ME3: variants seen among roughly 807,000 people sequenced by gnomAD.
ME3 encodes the protein malic enzyme 3.
ME3 carries 48 observed loss-of-function variants against 68.9 expected under a neutral mutation model. That is an observed-to-expected ratio of 0.70 (90% CI 0.55 to 0.89). The LOEUF (loss-of-function observed/expected upper bound fraction) is 0.89, where lower values mean the gene tolerates loss of function less well. ME3 is among the 40% of genes least tolerant of loss of function. The pLI is 0.00. For missense variants in ME3, 675 were observed against 797.4 expected (o/e 0.85, Z 1.85); for synonymous variants, 320 against 318.8 (o/e 1.00, Z -0.04).
exon 3 of ME3, chr11:86,559,708 T>A: frequency 6.2e-7 from 1 of 1,613,756 alleles, no homozygotes; most frequent in African/African-American, 1.3e-5. Flanking sequence ...GTCACTCTGC[T>A]GCCGCTCGTA....
intron 2 of ME3, among the ~76,000 whole-genome samples, chr11:86,670,443 G>C (rs1465845177): frequency 6.6e-6 from 1 of 152,200 alleles, no homozygotes; most frequent in Non-Finnish European, 1.5e-5. Flanking sequence ...AGATTCTTTA[G>C]ATAAAGGAGC....
intron 6 of ME3, among the ~76,000 whole-genome samples, chr11:86,489,832 C>T (rs114097316): frequency 0.014 from 2,085 of 152,290 alleles, 53 homozygotes; most frequent in African/African-American, 0.047. Flanking sequence ...TTATTCTTCA[C>T]AGGTGTCTCC....
intron 4 of ME3, among the ~76,000 whole-genome samples, chr11:86,552,450 G>T (rs1253257314): frequency 6.6e-6 from 1 of 152,098 alleles, no homozygotes; most frequent in Admixed American, 6.5e-5. Context: ...CTGCTAAGTC[G>T]GTTTGGCCAA....
At chr11:86,437,588 T>A (rs1239786079), downstream of ME3, among the ~76,000 whole-genome samples, 6 of 152,310 alleles carry the variant, frequency 3.9e-5, no homozygotes, top group South Asian at 2.1e-4. Context: ...AGTCTTCAAA[T>A]CCATGAACAA....
At chr11:86,577,475 T>G (rs925211610) in intron 2 of ME3, among the ~76,000 whole-genome samples, 2 of 152,180 alleles carry the variant, frequency 1.3e-5, no homozygotes, top group African/African-American at 2.4e-5. Context: ...GGGGGCCTCT[T>G]CTGTTCTGGG....
At chr11:86,616,380 C>T (rs1416711466) in intron 2 of ME3, among the ~76,000 whole-genome samples, 1 of 152,176 alleles carries the variant, frequency 6.6e-6, no homozygotes, top group Admixed American at 6.5e-5. Flanking sequence ...AGGAAATTCT[C>T]AGTGCTGATG....
intron 2 of ME3, among the ~76,000 whole-genome samples, chr11:86,612,947 C>T (rs1470774323): frequency 1.3e-5 from 2 of 152,094 alleles, no homozygotes; most frequent in Non-Finnish European, 2.9e-5. Context: ...GCTTATGTTG[C>T]AATTGCTTTT....
At chr11:86,447,068 G>C in exon 12 of ME3, 1 of 1,613,820 alleles carries the variant, frequency 6.2e-7, no homozygotes, top group Non-Finnish European at 8.5e-7. Flanking sequence ...CGCTGACCTC[G>C]GTGACCCGGT....
chr11:86,556,730 G>A, intron 3 of ME3, 28 bp from the exon 4 acceptor site: 1 of 1,611,096 alleles, frequency 6.2e-7, no homozygotes, highest in Non-Finnish European at 8.5e-7. Context: ...AAAGCAAGCT[G>A]ACATGTGGTA....
rs192650716 is a variant in ME3 at position 86,484,049 on chromosome 11, G to C, written c.809+3288C>G. On this transcript the variant is annotated intron_variant, in intron 7 of 14. Coordinates refer to ENST00000543262, the Ensembl canonical transcript of ME3. ...AGAAGGACACTCCCAGCTGTCTGTT[G>C]CTGTGGTTCACAGACTAAATGGAGA... 3.9e-5 allele frequency among the ~76,000 whole-genome samples: 6 copies of C among 152,316 alleles called. No individual in the cohort carries two copies. In the East Asian group the frequency reaches 1.2e-3, roughly 29 times the overall value.
Position 86,488,800 on chromosome 11 carries a change from A to G in ME3, c.706-1360T>C, listed in dbSNP as rs1431203186. Reference sequence around the variant, plus strand: ...TGATTGTTGCCTTCTAGGTGCTGACAGGTGGCTGCTGAGTAAACAGACACA... The same window carrying G: ...TGATTGTTGCCTTCTAGGTGCTGACGGGTGGCTGCTGAGTAAACAGACACA... On this transcript the variant is annotated intron_variant, in intron 6 of 14. Transcript: ENST00000543262. Among the ~76,000 whole-genome samples, 17 of 152,240 alleles carry G rather than the reference A, an allele frequency of 1.1e-4. 1 individual carries two copies. The highest frequency in any genetic ancestry group is 9.8e-4 in the Admixed American group (15 of 15,288).
intron 2 of ME3, among the ~76,000 whole-genome samples, chr11:86,604,843 A>G (rs1307564974): frequency 6.6e-6 from 1 of 152,186 alleles, no homozygotes; most frequent in Non-Finnish European, 1.5e-5. Context: ...GAATTAATCC[A>G]TTGTATCTTA....
At chr11:86,595,320 G>GAGAGAGAGAGAC (rs1554996000) in intron 2 of ME3, among the ~76,000 whole-genome samples, 5,585 of 138,486 alleles carry the variant, frequency 0.04, 575 homozygotes, top group East Asian at 0.072. Flanking sequence ...GAGAGAGAGA[G>GAGAGAGAGAGAC]AGAGAGAGAG....
chr11:86,498,086 C>A lies in ME3; in HGVS notation c.582G>T (p.Leu194=), dbSNP rs138449690. The A allele has an allele frequency of 1.4e-5, 22 of 1,613,438 alleles. No homozygotes were observed. The African/African-American group carries it at 2.8e-4, about 21-fold the overall frequency. The change falls in exon 6 of 15, where the codon CTG becomes CTT. Residue 194 remains leucine (L), a synonymous_variant. Coordinates refer to ENST00000543262, the Ensembl canonical transcript of ME3. ...CCATGCCGTAGCAGCCCAGGTCTCCCAGGCCCAGGATGCGCTCCCCATCAG... is the reference window on the plus strand; with the variant it reads ...CCATGCCGTAGCAGCCCAGGTCTCCAAGGCCCAGGATGCGCTCCCCATCAG...
intron 2 of ME3, among the ~76,000 whole-genome samples, chr11:86,569,454 A>G (rs1957670769): frequency 6.6e-6 from 1 of 152,020 alleles, no homozygotes; most frequent in Non-Finnish European, 1.5e-5. Context: ...TGCCTCCACC[A>G]TTCCACACAG....
intron 2 of ME3, among the ~76,000 whole-genome samples, chr11:86,626,609 A>G (rs1265548644): frequency 6.6e-6 from 1 of 152,180 alleles, no homozygotes; most frequent in African/African-American, 2.4e-5. Flanking sequence ...CCCCTGTGAT[A>G]CCTTAGAGCA....
chr11:86,608,474 C>T (rs544724605), intron 2 of ME3, among the ~76,000 whole-genome samples: 1 of 152,306 alleles, frequency 6.6e-6, no homozygotes, highest in South Asian at 2.1e-4. Context: ...GATGCACTCT[C>T]AATAGTGGAT....
intron 4 of ME3, among the ~76,000 whole-genome samples, chr11:86,537,254 T>G (rs1955741849): frequency 6.6e-6 from 1 of 151,140 alleles, no homozygotes; most frequent in Non-Finnish European, 1.5e-5. Context: ...ACCTGCACAA[T>G]GTGCACATGT....
intron 2 of ME3, among the ~76,000 whole-genome samples, chr11:86,660,695 A>C (rs565256183): frequency 1.1e-4 from 16 of 152,156 alleles, no homozygotes; most frequent in Admixed American, 2.6e-4. Context: ...TTACTCCCCA[A>C]ATCCTCTAAC....
Sources: gnomAD v4.1 joint callset for allele counts (sites outside exome capture counted in the v4.1 genomes callset) on GRCh38, gnomAD v4.1.1 for gene constraint, MANE v1.5 for transcripts, NCBI Gene and HGNC (gene_info 2026-07-23, HGNC 2026-07-21) for gene names.